The following CCDC171 variants were observed in gnomAD, a reference collection of about 807,000 sequenced individuals.
CCDC171 encodes the protein coiled-coil domain containing 171, also known as coiled-coil domain-containing protein 171.
CCDC171 carries 177 observed loss-of-function variants against 168.2 expected under a neutral mutation model. The observed-to-expected ratio is 1.05, with a 90% confidence interval of 0.93 to 1.19. The LOEUF is 1.19. CCDC171 is among the 50% of genes most tolerant of loss of function. The probability of loss-of-function intolerance (pLI) is 0.00; values close to 1 mark genes in which losing one functional copy is unlikely to be tolerated. For synonymous variants in CCDC171, 687 were observed against 540.8 expected (o/e 1.27, Z -3.75); for missense variants, 1,991 against 1,539.0 (o/e 1.29, Z -4.91).
intron 1 of CCDC171, chr9:16,042,891 G>C (rs76819559): frequency 6.6e-6 from 1 of 152,290 alleles, no homozygotes; most frequent in East Asian, 1.9e-4. Context: ...CTGTAGGTGA[G>C]CAAGTGCACC....
chr9:15,877,085 T>C (rs1397258763), intron 24 of CCDC171, among the ~76,000 whole-genome samples: 1 of 152,172 alleles, frequency 6.6e-6, no homozygotes. Flanking sequence ...TCTCTGAACC[T>C]GGAAGAGCAT....
At chr9:15,623,240 T>C (rs775593669) in intron 6 of CCDC171, 27 bp from the exon 7 acceptor site, 33 of 1,533,300 alleles carry the variant, frequency 2.2e-5, no homozygotes, top group South Asian at 1.4e-4. Context: ...ATAAACTTTA[T>C]TGATGCAAAA....
intron 9 of CCDC171, among the ~76,000 whole-genome samples, chr9:15,672,858 G>A (rs1277736072): frequency 6.6e-6 from 1 of 152,136 alleles, no homozygotes; most frequent in East Asian, 1.9e-4. Context: ...GGTTCCATAT[G>A]AACTTTAAAG....
intron 16 of CCDC171, among the ~76,000 whole-genome samples, chr9:15,734,469 C>T (rs1319908576): frequency 2.0e-5 from 3 of 152,118 alleles, no homozygotes; most frequent in African/African-American, 7.2e-5. Context: ...ACCCAGGAGG[C>T]AGAGGTTGCA....
At chr9:16,039,004 A>C (rs867262756), upstream of CCDC171, among the ~76,000 whole-genome samples, 3 of 152,224 alleles carry the variant, frequency 2.0e-5, no homozygotes, top group Admixed American at 1.3e-4. Context: ...CAAAACTTGA[A>C]GTCCCAAGAG....
At chr9:15,965,186 G>A (rs1341409784) in intron 25 of CCDC171, among the ~76,000 whole-genome samples, 1 of 152,150 alleles carries the variant, frequency 6.6e-6, no homozygotes, top group East Asian at 1.9e-4. Flanking sequence ...TGAGATCTAT[G>A]TATTTACTCC....
chr9:15,952,902 G>T (rs557905672), intron 25 of CCDC171, among the ~76,000 whole-genome samples: 4 of 151,982 alleles, frequency 2.6e-5, no homozygotes, highest in African/African-American at 7.2e-5. Flanking sequence ...CCACCTCCTT[G>T]GTTAATTTAA....
chr9:15,806,619 G>A (rs924306146), intron 21 of CCDC171, among the ~76,000 whole-genome samples: 1 of 151,926 alleles, frequency 6.6e-6, no homozygotes, highest in Admixed American at 6.6e-5. Flanking sequence ...TTAGACTGAT[G>A]AGGTGGCCTG....
intron 4 of CCDC171, among the ~76,000 whole-genome samples, chr9:15,584,195 G>C (rs896669910): frequency 8.5e-5 from 13 of 152,188 alleles, no homozygotes; most frequent in African/African-American, 3.1e-4. Flanking sequence ...TAACTGTTAA[G>C]ATCCTTAGTT....
chr9:15,683,356 A>G (rs2050165833), intron 10 of CCDC171, among the ~76,000 whole-genome samples: 1 of 151,980 alleles, frequency 6.6e-6, no homozygotes, highest in Admixed American at 6.6e-5. Context: ...ATTTCTTGAT[A>G]ATATTTTTAC....
chr9:16,052,077 T>C (rs1833758933), intron 1 of CCDC171, among the ~76,000 whole-genome samples: 1 of 152,164 alleles, frequency 6.6e-6, no homozygotes, highest in Non-Finnish European at 1.5e-5. Flanking sequence ...CAGGTGGGAA[T>C]TACAGGAGCT....
At chr9:15,587,210 C>G (rs1463478426) in intron 4 of CCDC171, among the ~76,000 whole-genome samples, 2 of 152,148 alleles carry the variant, frequency 1.3e-5, no homozygotes, top group Admixed American at 1.3e-4. Flanking sequence ...ATCACCTGAC[C>G]AAGCTGATAT....
chr9:16,045,979 A>C (rs1376916672), intron 1 of CCDC171, among the ~76,000 whole-genome samples: 1 of 152,148 alleles, frequency 6.6e-6, no homozygotes, highest in Non-Finnish European at 1.5e-5. Context: ...GGAGGGAGGC[A>C]ATTTCCTTAT....
At position 16,045,995 on chromosome 9, in the gene CCDC171, A is replaced by T. The variant is rs1161200720; in HGVS notation, n.89+3109A>T. Reference sequence around the variant, plus strand: ...GAGGGAGGCAATTTCCTTATGGGCTATCTCATTAATTCCTCAAATCAGCCC... The same window carrying T: ...GAGGGAGGCAATTTCCTTATGGGCTTTCTCATTAATTCCTCAAATCAGCCC... On this transcript the variant is annotated intron_variant and non_coding_transcript_variant, in intron 1 of 1. Transcript: ENST00000478913. Among the ~76,000 whole-genome samples the T allele has an allele frequency of 2.0e-5, 3 of 152,286 alleles. No individual in the cohort carries two copies. The South Asian group carries it at 6.2e-4, about 32-fold the overall frequency.
chr9:15,971,518 A>G lies in CCDC171; in HGVS notation c.3754-91A>G, dbSNP rs944823098. On this transcript the variant is annotated intron_variant, in intron 25 of 25. Coordinates refer to ENST00000380701, the MANE Select transcript of CCDC171 (RefSeq NM_173550.4). ...TCCATCTCATTTTTATATTATAATG[A>G]TTATTAGTCTACTTGCCTGTTTATG... is the stretch of plus-strand genomic sequence containing the variant. 2.2e-5 allele frequency: 16 copies of G among 727,438 alleles called. No homozygotes were observed. The African/African-American group carries it at 2.5e-4, about 11-fold the overall frequency. The allele number at this position is 727,438 out of a possible 1,614,324, so 45.1% of individuals were successfully genotyped here. A position where few individuals can be genotyped will look rare whatever the true frequency, so the allele number is the denominator to read the frequency against.
At chr9:15,756,615 A>G (rs534208141) in intron 18 of CCDC171, among the ~76,000 whole-genome samples, 30 of 152,262 alleles carry the variant, frequency 2.0e-4, no homozygotes, top group African/African-American at 7.2e-4. Flanking sequence ...GCTCCCACTT[A>G]TAAGTAAAAA....
intron 24 of CCDC171, among the ~76,000 whole-genome samples, chr9:15,905,302 C>G (rs535482681): frequency 1.3e-5 from 2 of 152,124 alleles, no homozygotes; most frequent in Admixed American, 6.5e-5. Flanking sequence ...TATAAAAGAA[C>G]GGAAATTATA....
intron 11 of CCDC171, among the ~76,000 whole-genome samples, chr9:15,702,578 C>G (rs1297495626): frequency 6.6e-6 from 1 of 152,096 alleles, no homozygotes; most frequent in African/African-American, 2.4e-5. Context: ...GTCAGCCTGT[C>G]TTTGAAGCCT....
chr9:16,004,194 A>T (rs927593439), intron 3 of CCDC171, among the ~76,000 whole-genome samples: 1 of 149,824 alleles, frequency 6.7e-6, no homozygotes, highest in African/African-American at 2.5e-5. Flanking sequence ...AACACTGCAC[A>T]TTCACATTTG....
Sources: allele counts gnomAD v4.1 joint callset (sites outside exome capture counted in the v4.1 genomes callset), GRCh38; gene constraint gnomAD v4.1.1; transcripts MANE v1.5; gene names NCBI Gene and HGNC (gene_info 2026-07-23, HGNC 2026-07-21).